OTUD7A: variants seen among roughly 807,000 people sequenced by gnomAD.
OTUD7A encodes OTU deubiquitinase 7A, also known as OTU domain-containing protein 7A.
In OTUD7A, 12 loss-of-function variants were observed where a neutral mutation model predicts 65.7. That is an observed-to-expected ratio of 0.18 (90% CI 0.12 to 0.30). OTUD7A has a LOEUF of 0.30. Among genes scored for constraint, OTUD7A ranks in the 10% least tolerant of loss-of-function variants. The pLI is 1.00. For missense variants in OTUD7A, 1,148 were observed against 1,304.8 expected (o/e 0.88, Z 1.85); for synonymous variants, 641 against 586.3 (o/e 1.09, Z -1.35).
intron 3 of OTUD7A, among the ~76,000 whole-genome samples, chr15:31,638,697 C>CAT (rs1475741865): frequency 6.6e-6 from 1 of 151,912 alleles, no homozygotes; most frequent in Admixed American, 6.6e-5. Context: ...GCTTAGCCAA[C>CAT]ATAATTTCTA....
At chr15:31,638,669 A>G (rs1487067156) in intron 3 of OTUD7A, among the ~76,000 whole-genome samples, 1 of 151,868 alleles carries the variant, frequency 6.6e-6, no homozygotes, top group African/African-American at 2.4e-5. Flanking sequence ...TGCTGGGACT[A>G]CAGGTGTGAG....
In OTUD7A at chr15:31,487,293, A is replaced by C. The variant is rs370681191; in HGVS notation, c.1287-15T>G. The C allele has an allele frequency of 1.2e-6, 2 of 1,613,212 alleles. No homozygotes were observed. The highest frequency in any genetic ancestry group is 1.7e-6 in the Non-Finnish European group (2 of 1,179,380). On this transcript the variant is annotated splice_polypyrimidine_tract_variant and intron_variant, in intron 11 of 12. Transcript: ENST00000307050. The surrounding 1 kb of genome is among the most constrained non-coding windows in gnomAD (Gnocchi z 6.0). ...ACAGGATAAGGCTGGCAAGAGAAGA[A>C]TATCCTATTGAAATGGTCTGAGCTG...
chr15:31,845,305 G>C (rs998458532), intron 1 of OTUD7A, among the ~76,000 whole-genome samples: 3 of 152,310 alleles, frequency 2.0e-5, no homozygotes, highest in South Asian at 2.1e-4. Context: ...CTCAAGGGGA[G>C]GAGAATTGAA....
In OTUD7A at chr15:31,768,148, A is replaced by G. The variant is rs1191272619; in HGVS notation, c.-100+102359T>C. The G allele has an allele frequency of 7.6e-6, 12 of 1,577,644 alleles. No homozygotes were observed. The African/African-American group carries it at 1.4e-4, about 18-fold the overall frequency. On this transcript the variant is annotated intron_variant, in intron 1 of 12. Coordinates refer to ENST00000307050, the MANE Select transcript of OTUD7A (RefSeq NM_001382637.1). ...CTGCTCGAAAAGATGTGGTAACTTC[A>G]TTCCACAGCTTGGTGGCCCGATAAG...
chr15:31,808,012 G>A (rs923049781), intron 1 of OTUD7A, among the ~76,000 whole-genome samples: 4 of 151,612 alleles, frequency 2.6e-5, no homozygotes, highest in African/African-American at 7.3e-5. Flanking sequence ...CTCAGAGCAC[G>A]TAGCACTTTT....
chr15:31,766,017 C>A (rs1473322150), intron 1 of OTUD7A: 5 of 1,555,396 alleles, frequency 3.2e-6, no homozygotes, highest in Non-Finnish European at 4.4e-6. Context: ...AATCTGCTTA[C>A]CGTATGAGTA....
intron 1 of OTUD7A, among the ~76,000 whole-genome samples, chr15:31,790,656 C>T (rs1433120622): frequency 2.6e-5 from 4 of 152,180 alleles, no homozygotes; most frequent in Admixed American, 2.0e-4. Flanking sequence ...TGGTTCTGCA[C>T]CCATTAATGA....
chr15:31,610,605 A>ATTTTTTTT (rs1472216504), intron 3 of OTUD7A, among the ~76,000 whole-genome samples: 27 of 38,650 alleles, frequency 7.0e-4, no homozygotes, highest in South Asian at 8.6e-4. Flanking sequence ...ATATATATAT[A>ATTTTTTTT]TATATATATA....
intron 10 of OTUD7A, among the ~76,000 whole-genome samples, chr15:31,494,096 A>T (rs527474072): frequency 2.0e-5 from 3 of 152,240 alleles, no homozygotes; most frequent in African/African-American, 7.2e-5. Flanking sequence ...TCTCTGGCCT[A>T]AAGTTTATAT....
intron 1 of OTUD7A, among the ~76,000 whole-genome samples, chr15:31,869,452 C>T (rs1008356195): frequency 6.6e-6 from 1 of 152,180 alleles, no homozygotes; most frequent in Admixed American, 6.5e-5. Context: ...TTTTCCTGGA[C>T]ACATTATCTG....
intron 5 of OTUD7A, among the ~76,000 whole-genome samples, chr15:31,536,176 C>T (rs1029928899): frequency 2.6e-5 from 4 of 152,222 alleles, no homozygotes; most frequent in Non-Finnish European, 5.9e-5. Context: ...AGACTCTATC[C>T]TACCTGATGA....
chr15:31,838,628 T>C (rs936754749), intron 1 of OTUD7A, among the ~76,000 whole-genome samples: 4 of 151,150 alleles, frequency 2.6e-5, no homozygotes, highest in Admixed American at 6.6e-5. Context: ...ATTTTGAAGA[T>C]GCTACACTAT....
chr15:31,796,584 C>A (rs1185578419), intron 1 of OTUD7A, among the ~76,000 whole-genome samples: 14 of 152,200 alleles, frequency 9.2e-5, no homozygotes, highest in Admixed American at 8.5e-4. Flanking sequence ...TACGGTCTAG[C>A]CAGATTGAAA....
At chr15:31,833,106 G>A (rs1294200547) in intron 1 of OTUD7A, among the ~76,000 whole-genome samples, 1 of 152,094 alleles carries the variant, frequency 6.6e-6, no homozygotes, top group African/African-American at 2.4e-5. Flanking sequence ...CATCCTAATG[G>A]GTGTGCAGTG....
chr15:31,731,762 G>C (rs1011636468), intron 1 of OTUD7A, among the ~76,000 whole-genome samples: 1 of 152,110 alleles, frequency 6.6e-6, no homozygotes, highest in Non-Finnish European at 1.5e-5. Context: ...CACTCTGGTG[G>C]GGGAGGCTGA....
chr15:31,775,440 T>C (rs754012572), intron 1 of OTUD7A, among the ~76,000 whole-genome samples: 5 of 152,116 alleles, frequency 3.3e-5, no homozygotes, highest in Non-Finnish European at 7.4e-5. Context: ...AATTAAACAA[T>C]AGGTTATGAG....
intron 3 of OTUD7A, among the ~76,000 whole-genome samples, chr15:31,605,989 G>A (rs530083448): frequency 5.3e-5 from 8 of 152,298 alleles, no homozygotes; most frequent in Non-Finnish European, 1.2e-4. Flanking sequence ...TACTCTTGGA[G>A]TCCAGTTTCC....
At chr15:31,627,990 T>C (rs1417922656) in intron 3 of OTUD7A, among the ~76,000 whole-genome samples, 3 of 152,222 alleles carry the variant, frequency 2.0e-5, no homozygotes, top group African/African-American at 4.8e-5. Flanking sequence ...TTCTGGATAC[T>C]AGCCCTTTGT....
rs145581747 is a variant in OTUD7A, at chr15:31,796,142, C to CGTGTGTGTGTGTGTGTGTGT, written c.-100+74345_-100+74364dup. ...AGAGAAGCAGAACCAGTAAGGGGTG[C>CGTGTGTGTGTGTGTGTGTGT]GTGTGTGTGTGTGTGTGTGTGTGTA... On this transcript the variant is annotated intron_variant, in intron 1 of 12. Transcript: ENST00000307050. Among the ~76,000 whole-genome samples, 109 of 148,128 alleles carry CGTGTGTGTGTGTGTGTGTGT rather than the reference C, an allele frequency of 7.4e-4. 1 individual carries two copies. The highest frequency in any genetic ancestry group is 2.8e-3 in the Admixed American group (42 of 14,840).
Sources: gnomAD v4.1 joint callset for allele counts (sites outside exome capture counted in the v4.1 genomes callset) on GRCh38, gnomAD v4.1.1 for gene constraint, Gnocchi (gnomAD v3.1) non-coding constraint, MANE v1.5 for transcripts, NCBI Gene and HGNC (gene_info 2026-07-23, HGNC 2026-07-21) for gene names.